Variants in ZSWIM6 observed in about 807,000 individuals in gnomAD.
ZSWIM6 encodes zinc finger SWIM-type containing 6, also known as zinc finger SWIM domain-containing protein 6.
A neutral mutation model predicts 113.2 loss-of-function variants in ZSWIM6; 9 were observed. That is an observed-to-expected ratio of 0.08 (90% CI 0.05 to 0.14). ZSWIM6 has a LOEUF of 0.14. Ranked by LOEUF, ZSWIM6 falls within the 10% of genes least tolerant of loss-of-function variation. The pLI is 1.00. For synonymous variants in ZSWIM6, 611 were observed against 606.5 expected (o/e 1.01, Z -0.11); for missense variants, 1,162 against 1,552.2 (o/e 0.75, Z 4.22).
intron 4 of ZSWIM6, among the ~76,000 whole-genome samples, chr5:61,519,873 C>T (rs1175672046): frequency 1.3e-5 from 2 of 152,082 alleles, no homozygotes; most frequent in Non-Finnish European, 2.9e-5. Flanking sequence ...GATTATCAGG[C>T]ATTAGTTAGA....
chr5:61,482,376 G>A (rs908367650), intron 2 of ZSWIM6, among the ~76,000 whole-genome samples: 13 of 152,160 alleles, frequency 8.5e-5, no homozygotes, highest in African/African-American at 3.1e-4. Context: ...GGGAGGGATA[G>A]CATTAGGAGA....
chr5:61,368,710 CAT>C (rs1325378153), intron 1 of ZSWIM6, among the ~76,000 whole-genome samples: 1 of 152,170 alleles, frequency 6.6e-6, no homozygotes, highest in Non-Finnish European at 1.5e-5. Context: ...CAAGAAAGGA[CAT>C]ATATCTGGGA....
chr5:61,430,800 C>A (rs1229101107), intron 1 of ZSWIM6, among the ~76,000 whole-genome samples: 1 of 152,130 alleles, frequency 6.6e-6, no homozygotes, highest in Non-Finnish European at 1.5e-5. Flanking sequence ...ACTCCAGATA[C>A]CTTGATCATT....
At chr5:61,394,046 T>C (rs1050775319) in intron 1 of ZSWIM6, among the ~76,000 whole-genome samples, 2 of 152,168 alleles carry the variant, frequency 1.3e-5, no homozygotes, top group Admixed American at 1.3e-4. Flanking sequence ...GTAAGGACTT[T>C]GTTTTAGTTT....
intron 9 of ZSWIM6, 32 bp from the exon 10 acceptor site, chr5:61,535,452 G>C: frequency 6.5e-7 from 1 of 1,545,168 alleles, no homozygotes; most frequent in South Asian, 1.2e-5. Context: ...CATTTTTTAG[G>C]AACGTAAAAT....
At chr5:61,533,078 C>T (rs1045288789) in intron 9 of ZSWIM6, among the ~76,000 whole-genome samples, 1 of 152,184 alleles carries the variant, frequency 6.6e-6, no homozygotes, top group Non-Finnish European at 1.5e-5. Flanking sequence ...TATTTTTGAA[C>T]TTTGCCCTAG....
intron 1 of ZSWIM6, among the ~76,000 whole-genome samples, chr5:61,459,762 T>G (rs1339205208): frequency 6.6e-6 from 1 of 152,218 alleles, no homozygotes; most frequent in African/African-American, 2.4e-5. Context: ...CTTAGCAGTC[T>G]TTTTTGCATA....
At chr5:61,516,432 A>T (rs1273077148) in intron 4 of ZSWIM6, among the ~76,000 whole-genome samples, 2 of 145,222 alleles carry the variant, frequency 1.4e-5, no homozygotes, top group African/African-American at 5.1e-5. Flanking sequence ...GTAGAGTATA[A>T]CAAAAATATA....
intron 1 of ZSWIM6, among the ~76,000 whole-genome samples, chr5:61,443,516 A>G (rs767978745): frequency 6.6e-6 from 1 of 152,190 alleles, no homozygotes; most frequent in Non-Finnish European, 1.5e-5. Context: ...ATATCCAGAA[A>G]AAGTTAGATT....
chr5:61,478,585 A>G (rs1747768154), intron 2 of ZSWIM6, among the ~76,000 whole-genome samples: 1 of 152,058 alleles, frequency 6.6e-6, no homozygotes, highest in Admixed American at 6.6e-5. Context: ...ACAATATTTC[A>G]TAGTATGGAT....
chr5:61,476,210 C>T (rs560946291), intron 2 of ZSWIM6, among the ~76,000 whole-genome samples: 1 of 152,050 alleles, frequency 6.6e-6, no homozygotes, highest in Admixed American at 6.6e-5. Context: ...TATTATTTTG[C>T]AATATTTTAT....
chr5:61,486,814 C>T (rs1451004794), intron 2 of ZSWIM6, among the ~76,000 whole-genome samples: 1 of 151,612 alleles, frequency 6.6e-6, no homozygotes, highest in Non-Finnish European at 1.5e-5. Context: ...TGTTTGATTT[C>T]CTTGTAAATT....
At chr5:61,372,445 T>C (rs1458393597) in intron 1 of ZSWIM6, among the ~76,000 whole-genome samples, 1 of 152,174 alleles carries the variant, frequency 6.6e-6, no homozygotes, top group Non-Finnish European at 1.5e-5. Context: ...TCATTCTTCA[T>C]CTTATTTGAC....
At chr5:61,387,181 G>A (rs1282454904) in intron 1 of ZSWIM6, among the ~76,000 whole-genome samples, 7 of 152,146 alleles carry the variant, frequency 4.6e-5, no homozygotes, top group African/African-American at 1.7e-4. Flanking sequence ...TCAGCAAATG[G>A]ATAATATCAG....
At chr5:61,439,780 G>C (rs989212467) in intron 1 of ZSWIM6, among the ~76,000 whole-genome samples, 1 of 152,068 alleles carries the variant, frequency 6.6e-6, no homozygotes, top group Non-Finnish European at 1.5e-5. Context: ...GAGAATATAC[G>C]TAGCTTTTAA....
In ZSWIM6 at chr5:61,415,672, G is replaced by A. The variant is rs545177337; in HGVS notation, c.677-57009G>A. On this transcript the variant is annotated intron_variant, in intron 1 of 13. Transcript: ENST00000252744. ...ATGGATATGACATGGGGACTGATTG[G>A]CCATATAAAGGTTCTGGGCCCCATT... 1.8e-3 allele frequency among the ~76,000 whole-genome samples: 268 copies of A among 151,950 alleles called. 1 individual carries two copies. Among genetic ancestry groups the A allele is most frequent in the African/African-American group, 6.0e-3 (247 of 41,448 alleles).
intron 1 of ZSWIM6, among the ~76,000 whole-genome samples, chr5:61,342,293 C>G (rs998910943): frequency 4.6e-5 from 7 of 152,178 alleles, no homozygotes; most frequent in Non-Finnish European, 8.8e-5. Context: ...GTAATAACAA[C>G]TAACATTTCA....
Position 61,332,529 on chromosome 5 carries a change from C to A in ZSWIM6, c.257C>A (p.Ala86Glu). 3 of 1,337,638 alleles carry A rather than the reference C, an allele frequency of 2.2e-6. No homozygotes were observed. Among genetic ancestry groups the A allele is most frequent in the Non-Finnish European group, 9.8e-7 (1 of 1,016,128 alleles). 82.9% of individuals were successfully genotyped at this position (1,337,638 alleles called of 1,614,324 possible). Residue 86 changes from alanine (A) to glutamate (E), a missense_variant, in exon 1 of 14, where the codon GCG (alanine) becomes GAG (glutamate). Transcript: ENST00000252744. ...SLLDIAARRVAEKWPFQRVEE... is the reference protein window; with the variant it reads ...SLLDIAARRVEEKWPFQRVEE... ...CTGGACATCGCGGCGCGCAGGGTGG[C>A]GGAGAAGTGGCCGTTCCAGCGCGTG... is the stretch of plus-strand genomic sequence containing the variant.
In ZSWIM6 at chr5:61,386,459, AT is replaced by A. The variant is rs893419423; in HGVS notation, c.676+53519del. On this transcript the variant is annotated intron_variant, in intron 1 of 13. Transcript: ENST00000252744. ...TTTTTAATTTCATTTTTTGATTTAC[AT>A]TTTTTTTATAACCACTTCTGCAACA... Among the ~76,000 whole-genome samples the A allele has an allele frequency of 4.6e-5, 7 of 152,028 alleles. No homozygotes were observed. In the East Asian group the frequency reaches 7.7e-4, roughly 17 times the overall value.
Sources: gnomAD v4.1 joint callset for allele counts (sites outside exome capture counted in the v4.1 genomes callset) on GRCh38, gnomAD v4.1.1 for gene constraint, MANE v1.5 for transcripts, NCBI Gene and HGNC (gene_info 2026-07-23, HGNC 2026-07-21) for gene names.